The following TMC1 variants were observed in gnomAD, a reference collection of about 807,000 sequenced individuals.
The protein encoded by TMC1 is transmembrane channel-like protein 1.
In TMC1, 84 loss-of-function variants were observed where a neutral mutation model predicts 105.8. The ratio of observed to expected loss-of-function variants is 0.79; its 90% CI spans 0.67 to 0.95. The LOEUF (loss-of-function observed/expected upper bound fraction) is 0.95. TMC1 is among the 40% of genes least tolerant of loss of function. The probability of loss-of-function intolerance (pLI) is 0.00; values close to 1 mark genes in which losing one functional copy is unlikely to be tolerated. For missense variants in TMC1, 817 were observed against 914.1 expected, an observed-to-expected ratio of 0.89 and a Z score of 1.37; for synonymous variants, 315 against 311.5, an observed-to-expected ratio of 1.01 and a Z score of -0.12.
intron 13 of TMC1, among the ~76,000 whole-genome samples, chr9:72,784,879 A>G (rs897256451): frequency 1.3e-5 from 2 of 152,246 alleles, no homozygotes; most frequent in African/African-American, 4.8e-5. Context: ...TGTAAATGGA[A>G]GCTAAACATT....
intron 1 of TMC1, among the ~76,000 whole-genome samples, chr9:72,557,027 A>C (rs764418618): frequency 1.3e-5 from 2 of 152,102 alleles, no homozygotes; most frequent in African/African-American, 4.8e-5. Flanking sequence ...TGACAGCATT[A>C]AACAGTCCAA....
Position 72,757,661 on chromosome 9 carries a change from A to G in TMC1, c.741+2777A>G, listed in dbSNP as rs556032474. 2.0e-5 allele frequency among the ~76,000 whole-genome samples: 3 copies of G among 152,354 alleles called. No homozygotes were observed. In the South Asian group the frequency reaches 6.2e-4, roughly 32 times the overall value. On this transcript the variant is annotated intron_variant, in intron 12 of 23. Transcript: ENST00000297784. ...TTTTAAGTAGCCTTGTTCATGAAACAAAGATTTGATGGTGTTTTGACTGTG... is the reference window on the plus strand; with the variant it reads ...TTTTAAGTAGCCTTGTTCATGAAACGAAGATTTGATGGTGTTTTGACTGTG...
chr9:72,666,835 G>A (rs1255174282), intron 5 of TMC1, among the ~76,000 whole-genome samples: 1 of 151,560 alleles, frequency 6.6e-6, no homozygotes, highest in African/African-American at 2.4e-5. Flanking sequence ...GGATCACTTA[G>A]GCCCAGGAGT....
chr9:72,657,825 G>A (rs773884165), intron 5 of TMC1, among the ~76,000 whole-genome samples: 9 of 152,158 alleles, frequency 5.9e-5, no homozygotes, highest in African/African-American at 9.7e-5. Context: ...GAAAAGTATC[G>A]CTATGCAGAA....
rs564562338 is a variant in TMC1, at chr9:72,810,821, GTGT to G, written c.1695+5315_1696-5316del. On this transcript the variant is annotated intron_variant, in intron 18 of 23. Transcript: ENST00000297784. ...TGTCTAATTATTCTTATGATAATAAGTGTTGTGATGACATTTAATTATATCCAT... is the reference window on the plus strand; with the variant it reads ...TGTCTAATTATTCTTATGATAATAAGTGTGATGACATTTAATTATATCCAT... Among the ~76,000 whole-genome samples the G allele has an allele frequency of 5.7e-3, 868 of 152,230 alleles. 6 individuals are homozygous for G. The highest frequency in any genetic ancestry group is 0.02 in the African/African-American group (831 of 41,536).
rs554026279 is a variant in TMC1 at position 72,713,564 on chromosome 9, G to A, written c.362+12921G>A. ...GATTTTCTAGTTTATTTGCATAGAGGTATTTATAGTATTCTCTGATGGTAG... is the reference window on the plus strand; with the variant it reads ...GATTTTCTAGTTTATTTGCATAGAGATATTTATAGTATTCTCTGATGGTAG... On this transcript the variant is annotated intron_variant, in intron 8 of 23. Coordinates refer to ENST00000297784, the MANE Select transcript of TMC1 (RefSeq NM_138691.3). 2.0e-5 allele frequency among the ~76,000 whole-genome samples: 3 copies of A among 152,236 alleles called. No individual in the cohort carries two copies. In the East Asian group the frequency reaches 5.8e-4, roughly 29 times the overall value.
chr9:72,788,307 T>G, intron 13 of TMC1, 32 bp from the exon 14 acceptor site: 1 of 1,613,842 alleles, frequency 6.2e-7, no homozygotes, highest in Non-Finnish European at 8.5e-7. Flanking sequence ...TCATTTTTTC[T>G]GGCTGCTGGG....
intron 1 of TMC1, among the ~76,000 whole-genome samples, chr9:72,539,058 G>A (rs946781759): frequency 7.3e-5 from 11 of 150,004 alleles, no homozygotes; most frequent in African/African-American, 2.7e-4. Flanking sequence ...CAGCAGCCAC[G>A]CCACTTCTTG....
chr9:72,613,887 G>A (rs1825078151), intron 2 of TMC1, among the ~76,000 whole-genome samples: 1 of 152,010 alleles, frequency 6.6e-6, no homozygotes, highest in Admixed American at 6.6e-5. Flanking sequence ...ATTAGTGATT[G>A]GAAAAGGTAG....
rs554270909 is a variant in TMC1 at position 72,823,559 on chromosome 9, G to T, written c.2003+2478G>T. On this transcript the variant is annotated intron_variant, in intron 20 of 23. Transcript: ENST00000297784. Reference sequence around the variant, plus strand: ...TAAAGCAATTTGATGAGATATTCTAGCTTGTCTGGTTTTATAAGACCTGGC... The same window carrying T: ...TAAAGCAATTTGATGAGATATTCTATCTTGTCTGGTTTTATAAGACCTGGC... Among the ~76,000 whole-genome samples, 29 of 152,274 alleles carry T rather than the reference G, an allele frequency of 1.9e-4. No individual in the cohort carries two copies. In the East Asian group the frequency reaches 3.7e-3, roughly 19 times the overall value.
At chr9:72,651,618 A>C (rs911687210) in intron 5 of TMC1, 2 of 152,102 alleles carry the variant, frequency 1.3e-5, no homozygotes, top group African/African-American at 4.8e-5. Context: ...AGAAAAAAAA[A>C]CTCTAAAAAC....
At chr9:72,665,390 A>G (rs942002641) in intron 5 of TMC1, among the ~76,000 whole-genome samples, 12 of 152,190 alleles carry the variant, frequency 7.9e-5, no homozygotes, top group Middle Eastern at 3.4e-3. Flanking sequence ...AAAAGGTTGG[A>G]CTCTGGCACT....
chr9:72,781,787 C>T (rs981324690), intron 13 of TMC1, among the ~76,000 whole-genome samples: 4 of 152,070 alleles, frequency 2.6e-5, no homozygotes, highest in Admixed American at 6.5e-5. Flanking sequence ...CTGAACAGAC[C>T]AATAACAAAT....
intron 5 of TMC1, among the ~76,000 whole-genome samples, chr9:72,679,653 T>C (rs1588027669): frequency 6.6e-6 from 1 of 152,114 alleles, no homozygotes; most frequent in Non-Finnish European, 1.5e-5. Context: ...TGTGTCTCCA[T>C]ATGGTAGAAA....
intron 15 of TMC1, among the ~76,000 whole-genome samples, chr9:72,791,516 C>G (rs1828266683): frequency 6.6e-6 from 1 of 152,156 alleles, no homozygotes; most frequent in African/African-American, 2.4e-5. Flanking sequence ...CCTCCTCAAG[C>G]AGATTATTTT....
chr9:72,711,509 T>C (rs1183435548), intron 8 of TMC1, among the ~76,000 whole-genome samples: 1 of 152,256 alleles, frequency 6.6e-6, no homozygotes, highest in East Asian at 1.9e-4. Flanking sequence ...TGCATTTCTC[T>C]AATAACCAGT....
At chr9:72,524,747 G>A (rs887240862) in intron 1 of TMC1, among the ~76,000 whole-genome samples, 1 of 152,072 alleles carries the variant, frequency 6.6e-6, no homozygotes, top group African/African-American at 2.4e-5. Context: ...TTAAGTCCTA[G>A]AATTATAAAA....
intron 3 of TMC1, among the ~76,000 whole-genome samples, chr9:72,622,479 G>T (rs1367114954): frequency 6.6e-6 from 1 of 152,146 alleles, no homozygotes; most frequent in Non-Finnish European, 1.5e-5. Context: ...TTCTTCCTCA[G>T]CCTAGAAATA....
At chr9:72,596,611 A>C (rs1824725282) in intron 2 of TMC1, among the ~76,000 whole-genome samples, 1 of 152,148 alleles carries the variant, frequency 6.6e-6, no homozygotes, top group South Asian at 2.1e-4. Flanking sequence ...CTCATCCACG[A>C]AAAAAGTTGG....
Sources: allele counts gnomAD v4.1 joint callset (sites outside exome capture counted in the v4.1 genomes callset), GRCh38; gene constraint gnomAD v4.1.1; transcripts MANE v1.5; gene names NCBI Gene and HGNC (gene_info 2026-07-23, HGNC 2026-07-21).